Variants in AGBL4 observed in about 807,000 individuals in gnomAD.
AGBL4 encodes the protein AGBL carboxypeptidase 4.
In AGBL4, 58 loss-of-function variants were observed where a neutral mutation model predicts 66.4. The ratio of observed to expected loss-of-function variants is 0.87; its 90% CI spans 0.71 to 1.09. The LOEUF (loss-of-function observed/expected upper bound fraction) is 1.09. Among genes scored for constraint, AGBL4 ranks in the 50% least tolerant of loss-of-function variants. AGBL4 has a pLI of 0.00. For synonymous variants in AGBL4, 234 were observed against 222.9 expected, an observed-to-expected ratio of 1.05 and a Z score of -0.44; for missense variants, 579 against 631.0, an observed-to-expected ratio of 0.92 and a Z score of 0.88.
intron 3 of AGBL4, among the ~76,000 whole-genome samples, chr1:49,388,262 C>T (rs1049160500): frequency 1.3e-5 from 2 of 151,840 alleles, no homozygotes; most frequent in Admixed American, 6.6e-5. Flanking sequence ...GCTTATAGGC[C>T]ATAGAGTGTC....
intron 3 of AGBL4, among the ~76,000 whole-genome samples, chr1:49,595,747 A>G (rs969957408): frequency 3.9e-5 from 6 of 152,154 alleles, no homozygotes; most frequent in African/African-American, 1.4e-4. Context: ...AGAAGGTTTT[A>G]TTTTCAAGAA....
chr1:48,929,968 A>G (rs1357969717), intron 5 of AGBL4, among the ~76,000 whole-genome samples: 2 of 152,136 alleles, frequency 1.3e-5, no homozygotes, highest in Admixed American at 6.5e-5. Context: ...GCCAAACTCA[A>G]TGGGCAGGAC....
At chr1:49,952,356 T>C (rs757373205) in intron 1 of AGBL4, among the ~76,000 whole-genome samples, 6 of 151,816 alleles carry the variant, frequency 4.0e-5, no homozygotes, top group South Asian at 2.1e-4. Flanking sequence ...ATAAAAGTGG[T>C]GTATATAAAA....
chr1:49,679,677 C>A (rs1049931024), intron 3 of AGBL4, among the ~76,000 whole-genome samples: 3 of 152,030 alleles, frequency 2.0e-5, no homozygotes, highest in Non-Finnish European at 4.4e-5. Flanking sequence ...GTTAACTGAA[C>A]TTTTCTTCTT....
intron 3 of AGBL4, chr1:49,471,912 A>G (rs975693482): frequency 6.6e-6 from 1 of 152,010 alleles, no homozygotes; most frequent in Non-Finnish European, 1.5e-5. Context: ...TGAGACCTTC[A>G]TTCCTGCTGG....
intron 3 of AGBL4, among the ~76,000 whole-genome samples, chr1:49,338,621 T>C (rs1645482250): frequency 6.6e-6 from 1 of 152,158 alleles, no homozygotes; most frequent in South Asian, 2.1e-4. Flanking sequence ...GGCTGGTCCA[T>C]ATCTGTGAAC....
intron 5 of AGBL4, among the ~76,000 whole-genome samples, chr1:48,918,663 C>T (rs922043484): frequency 1.3e-5 from 2 of 152,170 alleles, no homozygotes; most frequent in Non-Finnish European, 2.9e-5. Context: ...AGGCCTCTCA[C>T]CGAAACCTGA....
At chr1:49,407,238 A>G (rs1010452038) in intron 3 of AGBL4, among the ~76,000 whole-genome samples, 1 of 152,178 alleles carries the variant, frequency 6.6e-6, no homozygotes, top group Non-Finnish European at 1.5e-5. Context: ...GCATCATCCA[A>G]TCAAGTTAAA....
intron 4 of AGBL4, among the ~76,000 whole-genome samples, chr1:49,053,143 A>G (rs535896430): frequency 6.6e-6 from 1 of 152,298 alleles, no homozygotes; most frequent in African/African-American, 2.4e-5. Flanking sequence ...GGTTGGGAAC[A>G]ATGAATTCCA....
At chr1:49,770,118 G>A (rs1000147429) in intron 2 of AGBL4, among the ~76,000 whole-genome samples, 1 of 152,088 alleles carries the variant, frequency 6.6e-6, no homozygotes, top group East Asian at 1.9e-4. Flanking sequence ...GGCGGATCAC[G>A]AGGTCAGGAG....
intron 3 of AGBL4, among the ~76,000 whole-genome samples, chr1:49,514,759 C>G (rs1368678680): frequency 3.3e-5 from 5 of 152,080 alleles, no homozygotes; most frequent in Non-Finnish European, 4.4e-5. Flanking sequence ...TGATCTTTGA[C>G]AAACCTGACA....
chr1:49,481,845 AT>A (rs1180593344), intron 3 of AGBL4, among the ~76,000 whole-genome samples: 1 of 151,626 alleles, frequency 6.6e-6, no homozygotes, highest in Non-Finnish European at 1.5e-5. Flanking sequence ...GAGATGTGAA[AT>A]TTTATCAAAA....
the AGBL4 span, among the ~76,000 whole-genome samples, chr1:48,525,824 G>A: frequency 1.3e-5 from 2 of 152,176 alleles, no homozygotes; most frequent in African/African-American, 4.8e-5. Flanking sequence ...TTGGGTTAGA[G>A]GAAGAGGAAG....
At chr1:49,547,485 G>T (rs2148832145) in intron 3 of AGBL4, among the ~76,000 whole-genome samples, 1 of 152,160 alleles carries the variant, frequency 6.6e-6, no homozygotes, top group Middle Eastern at 3.4e-3. Context: ...TGGCTATGCG[G>T]GCCCCTTCTT....
intron 2 of AGBL4, among the ~76,000 whole-genome samples, chr1:49,815,317 T>G (rs2147979518): frequency 6.6e-6 from 1 of 152,282 alleles, no homozygotes; most frequent in Admixed American, 6.6e-5. Flanking sequence ...CACATTGACC[T>G]TTAGTTCCAT....
chr1:49,211,333 G>A lies in AGBL4; in HGVS notation c.377+34437C>T, dbSNP rs538225797. Among the ~76,000 whole-genome samples, 322 of 152,158 alleles carry A rather than the reference G, an allele frequency of 2.1e-3. 1 individual carries two copies. Among genetic ancestry groups the A allele is most frequent in the Non-Finnish European group, 3.3e-3 (223 of 68,004 alleles). On this transcript the variant is annotated intron_variant, in intron 4 of 13. Transcript: ENST00000371839. ...CACAATTTCAGAATTTTTAGTAATTGAGTGAAAGAATAAAGTTTGCTTCCA... is the reference window on the plus strand; with the variant it reads ...CACAATTTCAGAATTTTTAGTAATTAAGTGAAAGAATAAAGTTTGCTTCCA...
At chr1:48,947,345 T>C (rs2148922798) in intron 5 of AGBL4, among the ~76,000 whole-genome samples, 1 of 152,360 alleles carries the variant, frequency 6.6e-6, no homozygotes, top group East Asian at 1.9e-4. Context: ...ATCCAATGTT[T>C]TATCTCGAAC....
In AGBL4 at chr1:48,533,035, C is replaced by CCCAAACAAACAA. The variant is rs113596706; in HGVS notation, c.*1137_*1138insTTGTTTGTTTGG. 1.0e-3 allele frequency: 151 copies of CCCAAACAAACAA among 150,958 alleles called. 3 individuals are homozygous for CCCAAACAAACAA. The highest frequency in any genetic ancestry group is 1.1e-3 in the Non-Finnish European group (76 of 67,634). 9.4% of individuals were successfully genotyped at this position (150,958 alleles called of 1,614,324 possible). A position where few individuals can be genotyped will look rare whatever the true frequency, so the allele number is the denominator to read the frequency against. On this transcript the variant is annotated 3_prime_UTR_variant, in exon 14 of 14. Transcript: ENST00000371839. ...TGTAGCAAACTTCAATAATCTCCAACTCAAACAAACAAACAAACAAACAAA... is the reference window on the plus strand; with the variant it reads ...TGTAGCAAACTTCAATAATCTCCAACCCAAACAAACAATCAAACAAACAAACAAACAAACAAA...
intron 10 of AGBL4, among the ~76,000 whole-genome samples, chr1:48,589,158 C>A (rs1644875168): frequency 6.6e-6 from 1 of 152,156 alleles, no homozygotes; most frequent in South Asian, 2.1e-4. Context: ...TGCCCCACAG[C>A]TGCAAATGGG....
Sources: gnomAD v4.1 joint callset for allele counts (sites outside exome capture counted in the v4.1 genomes callset) on GRCh38, gnomAD v4.1.1 for gene constraint, MANE v1.5 for transcripts, NCBI Gene and HGNC (gene_info 2026-07-23, HGNC 2026-07-21) for gene names.